Variants in CHL1 observed in about 807,000 individuals in gnomAD.
The protein encoded by CHL1 is neural cell adhesion molecule L1-like protein.
Under a neutral mutation model 141.9 loss-of-function variants are expected in CHL1, and 96 were observed. The observed-to-expected ratio is 0.68, with a 90% CI of 0.57 to 0.80. The LOEUF (loss-of-function observed/expected upper bound fraction) is 0.80, where lower values mean the gene tolerates loss of function less well. CHL1 is among the 30% of genes least tolerant of loss of function. The pLI is 0.00. For synonymous variants in CHL1, 613 were observed against 502.2 expected (o/e 1.22, Z -2.95); for missense variants, 1,820 against 1,457.2 (o/e 1.25, Z -4.05).
chr3:276,063 TA>T (rs1696067697), intron 2 of CHL1, among the ~76,000 whole-genome samples: 1 of 151,928 alleles, frequency 6.6e-6, no homozygotes, highest in African/African-American at 2.4e-5. Context: ...TGTTGAACTC[TA>T]AAGTCGAAAT....
intron 10 of CHL1, among the ~76,000 whole-genome samples, chr3:351,436 T>G (rs565803796): frequency 1.3e-5 from 2 of 152,326 alleles, no homozygotes; most frequent in East Asian, 3.9e-4. Flanking sequence ...AAATTGAGCT[T>G]AAGAAGTCTT....
chr3:337,371 AT>A (rs1163227479), intron 5 of CHL1, among the ~76,000 whole-genome samples: 10 of 3,364 alleles, frequency 3.0e-3, no homozygotes, highest in Admixed American at 0.021. Context: ...TTTTATATAT[AT>A]TTTTTAAATT....
intron 9 of CHL1, among the ~76,000 whole-genome samples, chr3:346,864 A>G (rs890116232): frequency 1.3e-5 from 2 of 152,194 alleles, no homozygotes; most frequent in Non-Finnish European, 2.9e-5. Flanking sequence ...GTATTGTACT[A>G]TTATTTTGTG....
chr3:319,313 A>G (rs1475828776), intron 2 of CHL1, among the ~76,000 whole-genome samples: 2 of 151,720 alleles, frequency 1.3e-5, no homozygotes, highest in East Asian at 1.9e-4. Context: ...ATACACCAAG[A>G]TTCAGTGGCA....
intron 2 of CHL1, among the ~76,000 whole-genome samples, chr3:275,052 C>T (rs536524578): frequency 1.3e-5 from 2 of 152,348 alleles, no homozygotes; most frequent in East Asian, 1.9e-4. Context: ...ACTGCAACTT[C>T]GTTGCCTAGC....
intron 2 of CHL1, among the ~76,000 whole-genome samples, chr3:287,388 C>T (rs1286508354): frequency 1.3e-5 from 2 of 152,130 alleles, no homozygotes; most frequent in African/African-American, 2.4e-5. Context: ...CCGTAATTGC[C>T]ACCTGATAGG....
In CHL1 at chr3:219,319, C is replaced by T. The variant is rs558181188; in HGVS notation, c.-175+22256C>T. On this transcript the variant is annotated intron_variant, in intron 1 of 27. Coordinates refer to ENST00000256509, the MANE Select transcript of CHL1 (RefSeq NM_006614.4). The stretch of plus-strand genomic sequence containing the variant: ...ACCATTCAATCCTGCAATCCCATTA[C>T]TATATATATTCCCAAAGGAATATAA... Among the ~76,000 whole-genome samples the T allele has an allele frequency of 2.0e-4, 30 of 152,170 alleles. No homozygotes were observed. In the Middle Eastern group the frequency reaches 0.01, roughly 52 times the overall value.
At chr3:319,498 G>C (rs1177448302) in intron 2 of CHL1, among the ~76,000 whole-genome samples, 185 bp from the exon 3 acceptor site, 1 of 148,420 alleles carries the variant, frequency 6.7e-6, no homozygotes, top group Non-Finnish European at 1.5e-5. Context: ...TATATTCGCT[G>C]TCCTTTATTT....
At chr3:210,481 A>C (rs1175319207) in intron 1 of CHL1, among the ~76,000 whole-genome samples, 1 of 152,186 alleles carries the variant, frequency 6.6e-6, no homozygotes, top group African/African-American at 2.4e-5. Flanking sequence ...GGCTGAGCTC[A>C]GCTGGGCCCC....
chr3:303,541 A>G (rs1410880461), intron 2 of CHL1, among the ~76,000 whole-genome samples: 1 of 151,882 alleles, frequency 6.6e-6, no homozygotes, highest in Non-Finnish European at 1.5e-5. Flanking sequence ...TCTGTTTGTT[A>G]TTGGTGGATA....
chr3:306,218 C>T (rs1699215188), intron 2 of CHL1, among the ~76,000 whole-genome samples: 1 of 152,084 alleles, frequency 6.6e-6, no homozygotes, highest in African/African-American at 2.4e-5. Flanking sequence ...CTAATGCCAT[C>T]GTTGGAGCAG....
intron 2 of CHL1, among the ~76,000 whole-genome samples, chr3:303,900 T>C (rs568930220): frequency 2.3e-4 from 35 of 152,286 alleles, no homozygotes; most frequent in African/African-American, 8.4e-4. Flanking sequence ...ATGTGTTCCA[T>C]TGATACCTAG....
At position 389,288 on chromosome 3, in the gene CHL1, G is replaced by C; in HGVS notation, c.2284G>C (p.Glu762Gln). The C allele has an allele frequency of 6.2e-7, 1 of 1,613,582 alleles. No homozygotes were observed. The highest frequency in any genetic ancestry group is 1.3e-5 in the African/African-American group (1 of 75,062). Residue 762 changes from glutamate (E) to glutamine (Q), a missense_variant, in exon 20 of 28, where the codon GAG becomes CAG. Coordinates refer to ENST00000256509, the MANE Select transcript of CHL1 (RefSeq NM_006614.4). The part of the protein sequence containing the change: ...KSMEQNGPGL[E>Q]YRVTWKPQGA... ...CATGGAGCAGAATGGACCAGGCCTA[G>C]AGTACAGAGTGACCTGGAAGCCACA...
chr3:215,723 C>T (rs772881303), intron 1 of CHL1, among the ~76,000 whole-genome samples: 47 of 151,702 alleles, frequency 3.1e-4, no homozygotes, highest in Non-Finnish European at 6.5e-4. Flanking sequence ...TTTTGCATTA[C>T]AAAGTGACAT....
intron 2 of CHL1, among the ~76,000 whole-genome samples, chr3:252,844 C>T (rs575628506): frequency 4.6e-5 from 7 of 151,984 alleles, no homozygotes; most frequent in South Asian, 2.1e-4. Context: ...TGTATAGATA[C>T]GCTTTTCATT....
intron 1 of CHL1, chr3:197,578 C>T: frequency 2.9e-6 from 1 of 343,844 alleles, no homozygotes; most frequent in Admixed American, 3.8e-5. Context: ...CCCCCCCAGT[C>T]CACTGCCCCT....
chr3:256,539 C>G (rs935555005), intron 2 of CHL1, among the ~76,000 whole-genome samples: 1 of 152,174 alleles, frequency 6.6e-6, no homozygotes, highest in Admixed American at 6.5e-5. Flanking sequence ...GCTGTTAACG[C>G]TAATGAGGGA....
chr3:316,469 A>G (rs1251065102), intron 2 of CHL1, among the ~76,000 whole-genome samples: 2 of 151,436 alleles, frequency 1.3e-5, no homozygotes, highest in South Asian at 2.1e-4. Flanking sequence ...GTTGGCAGGG[A>G]TGTTTTTTTT....
chr3:362,145 T>A (rs1704319899), intron 13 of CHL1, among the ~76,000 whole-genome samples: 1 of 152,188 alleles, frequency 6.6e-6, no homozygotes, highest in Non-Finnish European at 1.5e-5. Context: ...CTATTGTTGT[T>A]GTTTTGGGAT....
Sources: allele counts gnomAD v4.1 joint callset (sites outside exome capture counted in the v4.1 genomes callset), GRCh38; gene constraint gnomAD v4.1.1; transcripts MANE v1.5; gene names NCBI Gene and HGNC (gene_info 2026-07-23, HGNC 2026-07-21).